The following FOXP2 variants were observed in gnomAD, a reference collection of about 807,000 sequenced individuals.
FOXP2 encodes the protein forkhead box protein P2.
FOXP2 carries 12 observed loss-of-function variants against 115.8 expected under a neutral mutation model. The observed-to-expected ratio is 0.10, with a 90% CI of 0.07 to 0.17. The LOEUF (loss-of-function observed/expected upper bound fraction) is 0.17. Among genes scored for constraint, FOXP2 ranks in the 10% least tolerant of loss-of-function variants. The pLI, the probability that FOXP2 is intolerant of heterozygous loss-of-function variation, is 1.00. For missense variants in FOXP2, 629 were observed against 843.5 expected (o/e 0.75, Z 3.15); for synonymous variants, 328 against 297.7 (o/e 1.10, Z -1.05).
chr7:114,579,121 AT>A (rs1227570414), intron 3 of FOXP2, among the ~76,000 whole-genome samples: 1 of 152,168 alleles, frequency 6.6e-6, no homozygotes, highest in Non-Finnish European at 1.5e-5. Context: ...TTTGTTTACT[AT>A]GTGTCAGATA....
chr7:114,216,851 G>A (rs376897782), intron 1 of FOXP2, among the ~76,000 whole-genome samples: 26 of 152,270 alleles, frequency 1.7e-4, no homozygotes, highest in South Asian at 8.3e-4. Flanking sequence ...GATTACTAAT[G>A]TCTGGTTTTA....
At chr7:114,595,508 A>T (rs1026215196) in intron 3 of FOXP2, among the ~76,000 whole-genome samples, 3 of 152,068 alleles carry the variant, frequency 2.0e-5, no homozygotes, top group African/African-American at 4.8e-5. Context: ...AAAGATGTTT[A>T]TGATAAAAGC....
At chr7:114,253,056 A>G (rs1795497431) in intron 1 of FOXP2, among the ~76,000 whole-genome samples, 1 of 152,154 alleles carries the variant, frequency 6.6e-6, no homozygotes, top group South Asian at 2.1e-4. Flanking sequence ...TGTACCCAGT[A>G]GTCATTCAGG....
chr7:114,116,627 A>G (rs1791414622), intron 1 of FOXP2, among the ~76,000 whole-genome samples: 1 of 152,200 alleles, frequency 6.6e-6, no homozygotes. Context: ...AAATTAAAAG[A>G]ATAACAATAT....
intron 3 of FOXP2, among the ~76,000 whole-genome samples, chr7:114,598,888 C>G (rs954909286): frequency 1.3e-5 from 2 of 152,162 alleles, no homozygotes; most frequent in African/African-American, 4.8e-5. Context: ...ATCTCTCTCT[C>G]TCACACAGTT....
chr7:114,614,475 T>C (rs1452553915), intron 3 of FOXP2, among the ~76,000 whole-genome samples: 1 of 152,190 alleles, frequency 6.6e-6, no homozygotes, highest in African/African-American at 2.4e-5. Flanking sequence ...TTTAACTTTG[T>C]TATGGTTTGT....
At chr7:114,136,975 A>C (rs1792058021) in intron 1 of FOXP2, among the ~76,000 whole-genome samples, 1 of 151,920 alleles carries the variant, frequency 6.6e-6, no homozygotes, top group Admixed American at 6.6e-5. Flanking sequence ...AGGAATGTAG[A>C]CTCCATTTAT....
chr7:114,617,312 C>T (rs963363943), intron 3 of FOXP2, among the ~76,000 whole-genome samples: 2 of 152,162 alleles, frequency 1.3e-5, no homozygotes, highest in Admixed American at 6.6e-5. Context: ...TATAATAAAG[C>T]ACATCCTATA....
At chr7:114,136,235 C>A (rs911955245) in intron 1 of FOXP2, among the ~76,000 whole-genome samples, 5 of 152,012 alleles carry the variant, frequency 3.3e-5, no homozygotes, top group Non-Finnish European at 7.4e-5. Context: ...ACAACAATAA[C>A]ATTTATTTCT....
At chr7:114,550,991 T>C (rs1273083212) in intron 3 of FOXP2, among the ~76,000 whole-genome samples, 2 of 151,594 alleles carry the variant, frequency 1.3e-5, no homozygotes, top group African/African-American at 4.9e-5. Flanking sequence ...TCTTTTTTTC[T>C]ACCTTTTTGC....
chr7:114,211,108 TCAGGC>T (rs1794334491), intron 1 of FOXP2, among the ~76,000 whole-genome samples: 1 of 152,202 alleles, frequency 6.6e-6, no homozygotes, highest in African/African-American at 2.4e-5. Context: ...GGTTGGAATT[TCAGGC>T]CAGTGGGTCT....
At chr7:114,101,899 TTGTGTGTGTGTGTGTGTG>T (rs5886693) in intron 1 of FOXP2, among the ~76,000 whole-genome samples, 28 of 142,408 alleles carry the variant, frequency 2.0e-4, no homozygotes, top group African/African-American at 6.9e-4. Context: ...CTTCAACATT[TTGTGTGTGTGTGTGTGTG>T]TGTGTGTGTG....
At chr7:114,340,188 T>C (rs1250928053) in intron 2 of FOXP2, among the ~76,000 whole-genome samples, 2 of 151,208 alleles carry the variant, frequency 1.3e-5, no homozygotes, top group Non-Finnish European at 3.0e-5. Context: ...GATAGTGATT[T>C]CTTCTGATCC....
intron 7 of FOXP2, 148 bp downstream of exon 7, chr7:114,642,771 TTATATATAA>T (rs1392495264): frequency 4.4e-6 from 1 of 227,380 alleles, no homozygotes; most frequent in Non-Finnish European, 8.0e-6. Flanking sequence ...TTATCTTATT[TTATATATAA>T]TATATATATA....
At chr7:114,320,880 G>A (rs1014761731) in intron 2 of FOXP2, among the ~76,000 whole-genome samples, 8 of 152,174 alleles carry the variant, frequency 5.3e-5, no homozygotes, top group African/African-American at 1.4e-4. Context: ...AGGAGGAAGG[G>A]CAAGCCCTAC....
chr7:114,661,536 A>G (rs1289891427), intron 13 of FOXP2, among the ~76,000 whole-genome samples: 2 of 152,156 alleles, frequency 1.3e-5, no homozygotes, highest in African/African-American at 2.4e-5. Context: ...TGTAACTTGC[A>G]TATGTCATCT....
chr7:114,572,974 A>C (rs1389465787), intron 3 of FOXP2, among the ~76,000 whole-genome samples: 1 of 151,818 alleles, frequency 6.6e-6, no homozygotes, highest in Non-Finnish European at 1.5e-5. Context: ...CTTTGAATGC[A>C]GTGTTAAGTA....
intron 2 of FOXP2, among the ~76,000 whole-genome samples, chr7:114,507,146 C>T (rs749915187): frequency 1.1e-3 from 167 of 151,814 alleles, no homozygotes; most frequent in Non-Finnish European, 1.7e-3. Context: ...AAATTAGATT[C>T]TTACCCCTAC....
At chr7:114,480,401 A>G (rs1025472574) in intron 2 of FOXP2, among the ~76,000 whole-genome samples, 8 of 151,666 alleles carry the variant, frequency 5.3e-5, no homozygotes, top group African/African-American at 1.9e-4. Flanking sequence ...TATTCACAAA[A>G]GAAAAATTTT....
Sources: allele counts gnomAD v4.1 joint callset (sites outside exome capture counted in the v4.1 genomes callset), GRCh38; gene constraint gnomAD v4.1.1; transcripts MANE v1.5; gene names NCBI Gene and HGNC (gene_info 2026-07-23, HGNC 2026-07-21).